ST3GAL1: variants seen among roughly 807,000 people sequenced by gnomAD.
The protein encoded by ST3GAL1 is CMP-N-acetylneuraminate-beta-galactosamide-alpha-2,3-sialyltransferase 1.
A neutral mutation model predicts 34.1 loss-of-function variants in ST3GAL1; 16 were observed. The ratio of observed to expected loss-of-function variants is 0.47; its 90% CI spans 0.32 to 0.71. ST3GAL1 has a LOEUF of 0.71. ST3GAL1 is among the 30% of genes least tolerant of loss of function. The pLI, the probability that ST3GAL1 is intolerant of heterozygous loss-of-function variation, is 0.04. For missense variants in ST3GAL1, 353 were observed against 447.4 expected (o/e 0.79, Z 1.90); for synonymous variants, 191 against 184.7 (o/e 1.03, Z -0.28).
chr8:133,495,456 C>T (rs1816916028), intron 3 of ST3GAL1, among the ~76,000 whole-genome samples: 2 of 152,194 alleles, frequency 1.3e-5, no homozygotes, highest in African/African-American at 4.8e-5. Flanking sequence ...TACCCAATTT[C>T]GCACTTAATT....
intron 8 of ST3GAL1, among the ~76,000 whole-genome samples, chr8:133,462,815 G>A (rs1007766932): frequency 1.4e-4 from 22 of 152,326 alleles, no homozygotes; most frequent in Non-Finnish European, 2.9e-4. Context: ...CAATGCAAAG[G>A]GCAAGATGCT....
chr8:133,461,796 T>A lies in ST3GAL1; in HGVS notation c.849+79A>T, dbSNP rs1815518329. On this transcript the variant is annotated intron_variant, in intron 9 of 9. Coordinates refer to ENST00000522652, the MANE Select transcript of ST3GAL1 (RefSeq NM_173344.3). The surrounding 1 kb of genome is among the most constrained non-coding windows in gnomAD (Gnocchi z 4.7). ...AGAGGCAGGCTAGGTCTACCTGCCC[T>A]CCCCCTCCCTGGCCTCTCTTGGGAA... The A allele has an allele frequency of 6.3e-7, 1 of 1,581,030 alleles. No homozygotes were observed. The highest frequency in any genetic ancestry group is 1.3e-5 in the African/African-American group (1 of 74,470).
intron 2 of ST3GAL1, among the ~76,000 whole-genome samples, chr8:133,531,351 A>G (rs1818147234): frequency 6.6e-6 from 1 of 152,220 alleles, no homozygotes; most frequent in Non-Finnish European, 1.5e-5. Flanking sequence ...ATGTGTGTGT[A>G]GCTATAGATA....
At chr8:133,495,906 G>A (rs1816932337) in intron 3 of ST3GAL1, among the ~76,000 whole-genome samples, 1 of 152,222 alleles carries the variant, frequency 6.6e-6, no homozygotes, top group East Asian at 1.9e-4. Context: ...TGGTCAGGTT[G>A]CGCCTGAACT....
rs1816988627 is a variant in ST3GAL1 at position 133,497,455 on chromosome 8, A to ATTTTTTTTTTTTTTTTT, written c.-374+1679_-374+1680insAAAAAAAAAAAAAAAAA. 3.0e-5 allele frequency among the ~76,000 whole-genome samples: 3 copies of ATTTTTTTTTTTTTTTTT among 101,242 alleles called. 1 individual carries two copies. The allele number at this position is 101,242 out of a possible 152,430, so 66.4% of individuals were successfully genotyped here. A position where few individuals can be genotyped will look rare whatever the true frequency, so the allele number is the denominator to read the frequency against. Reference sequence around the variant, plus strand: ...CTTCTCTCCCATGCAATTTTGTTGGAATTTTTTTTTTTTTTTTTTTTTTTT... The same window carrying ATTTTTTTTTTTTTTTTT: ...CTTCTCTCCCATGCAATTTTGTTGGATTTTTTTTTTTTTTTTTATTTTTTTTTTTTTTTTTTTTTTTT... On this transcript the variant is annotated intron_variant, in intron 3 of 9. Transcript: ENST00000522652.
chr8:133,475,619 G>A lies in ST3GAL1; in HGVS notation c.306+100C>T, dbSNP rs375319440. On this transcript the variant is annotated intron_variant, in intron 5 of 9. Transcript: ENST00000522652. ...GCCCAGACTCCCACTTTCAGCCCAG[G>A]CCTCCCACTCTTATCCAGATCCCCA... 8.1e-5 allele frequency: 110 copies of A among 1,351,684 alleles called. No individual in the cohort carries two copies. The East Asian group carries it at 2.3e-3, about 28-fold the overall frequency. 83.7% of individuals were successfully genotyped at this position (1,351,684 alleles called of 1,614,324 possible).
chr8:133,468,788 C>T (rs897991992), intron 5 of ST3GAL1, among the ~76,000 whole-genome samples: 5 of 152,130 alleles, frequency 3.3e-5, no homozygotes, highest in Admixed American at 1.3e-4. Flanking sequence ...AAGCTGGCCC[C>T]GAAATCCTGC....
chr8:133,534,224 C>T (rs1818240391), intron 2 of ST3GAL1, among the ~76,000 whole-genome samples: 1 of 152,146 alleles, frequency 6.6e-6, no homozygotes, highest in African/African-American at 2.4e-5. Context: ...ACCCAATCCT[C>T]CAGCACAAAG....
At chr8:133,463,530 G>A (rs1454435783) in intron 7 of ST3GAL1, 71 bp from the exon 8 acceptor site, 4 of 1,522,574 alleles carry the variant, frequency 2.6e-6, no homozygotes, top group South Asian at 1.1e-5. Flanking sequence ...ATGCAGCTCT[G>A]GGGGTAGTGG....
chr8:133,557,513 G>C (rs1445125194), intron 1 of ST3GAL1, among the ~76,000 whole-genome samples: 1 of 152,116 alleles, frequency 6.6e-6, no homozygotes, highest in Non-Finnish European at 1.5e-5. Context: ...ATGATGGGTT[G>C]AGCTGTCGCA....
At chr8:133,500,750 G>A (rs143615112) in intron 2 of ST3GAL1, among the ~76,000 whole-genome samples, 2 of 152,154 alleles carry the variant, frequency 1.3e-5, no homozygotes, top group Non-Finnish European at 2.9e-5. Context: ...AGCATGCTTG[G>A]CCTCTCAGCC....
chr8:133,532,721 TGTTC>T (rs1818193297), intron 2 of ST3GAL1, among the ~76,000 whole-genome samples: 1 of 152,164 alleles, frequency 6.6e-6, no homozygotes, highest in Non-Finnish European at 1.5e-5. Flanking sequence ...TGTCCAGTGG[TGTTC>T]TGAGGAGGAC....
rs202146644 is a variant in ST3GAL1, at chr8:133,464,912, G to C, written c.549C>G (p.Thr183=). 2 of 1,614,016 alleles carry C rather than the reference G, an allele frequency of 1.2e-6. No homozygotes were observed. Among genetic ancestry groups the C allele is most frequent in the Non-Finnish European group, 1.7e-6 (2 of 1,179,956 alleles). ...PTAGFEADVG[T]KTTHHLVYPE... is the part of the protein sequence containing the mutation. ...GGTACACCAGATGGTGGGTGGTCTT[G>C]GTCCCAACATCAGCTTCAAACCCTG... The change falls in exon 7 of 10, where the codon ACC becomes ACG. Residue 183 remains threonine (T), a synonymous_variant. Transcript: ENST00000522652.
At chr8:133,484,871 C>G (rs768864369) in intron 3 of ST3GAL1, among the ~76,000 whole-genome samples, 2 of 152,174 alleles carry the variant, frequency 1.3e-5, no homozygotes, top group African/African-American at 2.4e-5. Flanking sequence ...CTTCTCTTTG[C>G]TGATGTCCTT....
At chr8:133,502,444 G>A (rs946752465) in intron 2 of ST3GAL1, among the ~76,000 whole-genome samples, 1 of 146,470 alleles carries the variant, frequency 6.8e-6, no homozygotes, top group Non-Finnish European at 1.5e-5. Context: ...AAAAAAAGAG[G>A]TGCCAGAAAG....
At chr8:133,538,716 C>T (rs1047303510) in intron 2 of ST3GAL1, among the ~76,000 whole-genome samples, 1 of 152,202 alleles carries the variant, frequency 6.6e-6, no homozygotes. Flanking sequence ...TTAAAAACTC[C>T]TTGTGTGGCT....
intron 5 of ST3GAL1, among the ~76,000 whole-genome samples, chr8:133,473,354 G>A (rs1283361263): frequency 1.3e-5 from 2 of 152,068 alleles, no homozygotes; most frequent in Non-Finnish European, 2.9e-5. Flanking sequence ...CAGTTTCCTT[G>A]TCTGTAAAAT....
At chr8:133,484,126 C>A (rs966430055) in intron 3 of ST3GAL1, among the ~76,000 whole-genome samples, 1 of 152,112 alleles carries the variant, frequency 6.6e-6, no homozygotes, top group African/African-American at 2.4e-5. Flanking sequence ...TTTCAGCAGC[C>A]CCATTCACTG....
At chr8:133,490,208 A>C (rs1245522529) in intron 3 of ST3GAL1, among the ~76,000 whole-genome samples, 2 of 152,110 alleles carry the variant, frequency 1.3e-5, no homozygotes, top group African/African-American at 4.8e-5. Context: ...ATTTTACAGA[A>C]GGGGATGCTG....
Sources: gnomAD v4.1 joint callset for allele counts (sites outside exome capture counted in the v4.1 genomes callset) on GRCh38, gnomAD v4.1.1 for gene constraint, Gnocchi (gnomAD v3.1) non-coding constraint, MANE v1.5 for transcripts, NCBI Gene and HGNC (gene_info 2026-07-23, HGNC 2026-07-21) for gene names.